The following TMCC2 variants were observed in gnomAD, a reference collection of about 807,000 sequenced individuals.
TMCC2 encodes the protein transmembrane and coiled-coil domains protein 2.
In TMCC2, 16 loss-of-function variants were observed where a neutral mutation model predicts 49.4. The ratio of observed to expected loss-of-function variants is 0.32; its 90% confidence interval spans 0.22 to 0.49. The LOEUF is 0.49. Among genes scored for constraint, TMCC2 ranks in the 20% least tolerant of loss-of-function variants. TMCC2 has a pLI of 0.99. For synonymous variants in TMCC2, 397 were observed against 434.1 expected (o/e 0.91, Z 1.06); for missense variants, 762 against 989.8 (o/e 0.77, Z 3.09).
At chr1:205,230,272 T>A in intron 1 of TMCC2, 13 of 710,936 alleles carry the variant, frequency 1.8e-5, no homozygotes, top group Non-Finnish European at 2.2e-5. Flanking sequence ...TTTTTTAAAC[T>A]TTGCAGTAAT....
At chr1:205,229,043 A>C in intron 1 of TMCC2, 1 of 1,308,446 alleles carries the variant, frequency 7.6e-7, no homozygotes, top group South Asian at 2.0e-5. Flanking sequence ...TAATGTGTGA[A>C]GTGTTATTCG....
At chr1:205,267,958 G>T (rs889794729) in intron 2 of TMCC2, 1 of 985,094 alleles carries the variant, frequency 1.0e-6, no homozygotes, top group Non-Finnish European at 1.2e-6. Flanking sequence ...CAGGGTGGGG[G>T]TGGGGCATGC....
At chr1:205,256,383 T>A (rs1217276920) in intron 2 of TMCC2, 7 of 1,550,968 alleles carry the variant, frequency 4.5e-6, no homozygotes, top group Non-Finnish European at 5.2e-6. Context: ...CTGCTGGCAC[T>A]GTCAAGATGA....
rs1659657487 is a variant in TMCC2 at position 205,228,520 on chromosome 1, C to A, written c.-45C>A. ...AGAGGGGGTGCGGTCTTCCCCAAGACGGCGCGCTGGAAGGACAGATTCCCC... is the reference window on the plus strand; with the variant it reads ...AGAGGGGGTGCGGTCTTCCCCAAGAAGGCGCGCTGGAAGGACAGATTCCCC... On this transcript the variant is annotated 5_prime_UTR_variant, in exon 1 of 5. Transcript: ENST00000358024. 1 of 1,549,446 alleles carries A rather than the reference C, an allele frequency of 6.5e-7. No individual in the cohort carries two copies. Among genetic ancestry groups the A allele is most frequent in the South Asian group, 1.2e-5 (1 of 84,502 alleles).
chr1:205,272,184 G>C lies in TMCC2; in HGVS notation c.*60G>C. ...CCCAGCTGGCCACACTTCTCCAGGA[G>C]GGACCCTTGGACTTCTTTGTGTGTC... On this transcript the variant is annotated 3_prime_UTR_variant, in exon 5 of 5. Transcript: ENST00000358024. 1 of 1,573,672 alleles carries C rather than the reference G, an allele frequency of 6.4e-7. No individual in the cohort carries two copies. Among genetic ancestry groups the C allele is most frequent in the Non-Finnish European group, 8.6e-7 (1 of 1,157,466 alleles).
At chr1:205,268,115 G>A (rs1181345460) in intron 2 of TMCC2, 9 of 979,042 alleles carry the variant, frequency 9.2e-6, no homozygotes, top group Non-Finnish European at 8.5e-6. Flanking sequence ...GCTGAGCTGC[G>A]TTGTTAGTGA....
chr1:205,238,238 G>GT (rs201721271), intron 1 of TMCC2, among the ~76,000 whole-genome samples: 1,467 of 146,694 alleles, frequency 0.01, 20 homozygotes, highest in African/African-American at 0.031. Context: ...TATGTGCTGA[G>GT]TTTTTTTTTT....
At chr1:205,231,299 T>C (rs1159691463) in intron 1 of TMCC2, among the ~76,000 whole-genome samples, 1 of 151,928 alleles carries the variant, frequency 6.6e-6, no homozygotes, top group East Asian at 1.9e-4. Context: ...TCCAAACTTA[T>C]TTATTTATTT....
rs1331925346 is a variant in TMCC2 at position 205,228,535 on chromosome 1, A to ATACACCTACC, written c.-30_-29insTACACCTACC. On this transcript the variant is annotated 5_prime_UTR_variant, in exon 1 of 5. Transcript: ENST00000358024. ...TTCCCCAAGACGGCGCGCTGGAAGG[A>ATACACCTACC]CAGATTCCCCTTGCCGACCCACATA... The ATACACCTACC allele has an allele frequency of 1.1e-5, 18 of 1,575,580 alleles. No individual in the cohort carries two copies. The highest frequency in any genetic ancestry group is 1.6e-5 in the Non-Finnish European group (18 of 1,154,682).
rs554204276 is a variant in TMCC2, at chr1:205,271,497, C to T, written c.1818+242C>T. Among the ~76,000 whole-genome samples the T allele has an allele frequency of 9.6e-4, 146 of 152,356 alleles. 2 individuals are homozygous for T. Among genetic ancestry groups the T allele is most frequent in the African/African-American group, 3.3e-3 (138 of 41,594 alleles). On this transcript the variant is annotated intron_variant, in intron 4 of 4. Transcript: ENST00000358024. ...CCACAGGGCAGAGGCCACCATGCCC[C>T]CCACCTCTTTGATGGCAGCTTCGCA...
At chr1:205,268,820 T>A in intron 2 of TMCC2, 130 bp from the exon 3 acceptor site, 1 of 843,464 alleles carries the variant, frequency 1.2e-6, no homozygotes, top group Non-Finnish European at 1.8e-6. Context: ...ATACTGCTCT[T>A]GTGGTGGTTG....
intron 1 of TMCC2, among the ~76,000 whole-genome samples, chr1:205,233,388 C>G (rs1047812874): frequency 5.3e-5 from 8 of 152,180 alleles, no homozygotes; most frequent in Admixed American, 1.3e-4. Context: ...AGTTCATGTT[C>G]CAGTCACACC....
chr1:205,271,915 G>T lies in TMCC2; in HGVS notation c.1921G>T (p.Ala641Ser). Reference sequence around the variant, plus strand: ...GGGCGTGGAGAATGCCAACGCGCGGGCGCTGCTGGGCAAGTTCATCAACGT... The same window carrying T: ...GGGCGTGGAGAATGCCAACGCGCGGTCGCTGCTGGGCAAGTTCATCAACGT... ...LEGVENANAR[A>S]LLGKFINVIL... is the part of the protein sequence containing the mutation. The change falls in exon 5 of 5, where the codon GCG becomes TCG. Residue 641 changes from alanine (A) to serine (S), a missense_variant. Around this residue, in one of 2 missense-constraint regions of TMCC2, gnomAD observed 440 missense variants for 636.7 expected, o/e 0.69. Transcript: ENST00000358024. 6.2e-7 allele frequency: 1 copy of T among 1,614,208 alleles called. No homozygotes were observed. The highest frequency in any genetic ancestry group is 8.5e-7 in the Non-Finnish European group (1 of 1,180,034).
At position 205,272,541 on chromosome 1, in the gene TMCC2, A is replaced by G. The variant is rs1245681222; in HGVS notation, c.*417A>G. The stretch of plus-strand genomic sequence containing the variant: ...AGATAGCTACGGTTTTCTCTGGTGG[A>G]GATGGTGAGGATGAAGGCTGGAGAG... On this transcript the variant is annotated 3_prime_UTR_variant, in exon 5 of 5. Transcript: ENST00000358024. 8 of 197,414 alleles carry G rather than the reference A, an allele frequency of 4.1e-5. No homozygotes were observed. The highest frequency in any genetic ancestry group is 6.3e-5 in the Non-Finnish European group (6 of 95,824). The allele number at this position is 197,414 out of a possible 1,614,324, so 12.2% of individuals were successfully genotyped here. A position where few individuals can be genotyped will look rare whatever the true frequency, so the allele number is the denominator to read the frequency against.
intron 2 of TMCC2, among the ~76,000 whole-genome samples, chr1:205,252,166 G>T (rs1452135110): frequency 6.6e-6 from 1 of 152,188 alleles, no homozygotes; most frequent in Non-Finnish European, 1.5e-5. Context: ...AAGTGGTTCT[G>T]TTCACTGCCC....
At chr1:205,238,705 A>G (rs1032864642) in intron 1 of TMCC2, among the ~76,000 whole-genome samples, 23 of 152,166 alleles carry the variant, frequency 1.5e-4, no homozygotes, top group Admixed American at 1.0e-3. Context: ...CAAATACCCT[A>G]TCTACTTTAA....
intron 2 of TMCC2, among the ~76,000 whole-genome samples, chr1:205,257,846 T>C (rs7530931): frequency 6.5e-4 from 99 of 152,252 alleles, no homozygotes; most frequent in African/African-American, 2.3e-3. Context: ...GGATGGACAA[T>C]GGAGAAGACC....
In TMCC2 at chr1:205,264,118, T is replaced by C. The variant is rs781169421; in HGVS notation, c.748-4832T>C. Among the ~76,000 whole-genome samples, 1 of 152,188 alleles carries C rather than the reference T, an allele frequency of 6.6e-6. No individual in the cohort carries two copies. Among genetic ancestry groups the C allele is most frequent in the Non-Finnish European group, 1.5e-5 (1 of 68,034 alleles). On this transcript the variant is annotated intron_variant, in intron 2 of 4. Coordinates refer to ENST00000358024, the MANE Select transcript of TMCC2 (RefSeq NM_014858.4). This position sits in a 1 kb window ranked among gnomAD's most constrained non-coding sequence, Gnocchi z 4.2. The stretch of plus-strand genomic sequence containing the variant: ...TCTGACGTATGTCAAGAAATGTTAG[T>C]GTTTGAAGGAGATTGGTTCCAAGAC...
chr1:205,241,846 C>T lies in TMCC2; in HGVS notation c.549C>T (p.Thr183=). The T allele has an allele frequency of 1.2e-6, 2 of 1,600,766 alleles. No homozygotes were observed. Among genetic ancestry groups the T allele is most frequent in the Non-Finnish European group, 1.7e-6 (2 of 1,175,212 alleles). Residue 183 remains threonine, a synonymous_variant, in exon 2 of 5, where the codon ACC becomes ACT. Coordinates refer to ENST00000358024, the MANE Select transcript of TMCC2 (RefSeq NM_014858.4). This position sits in a 1 kb window ranked among gnomAD's most constrained non-coding sequence, Gnocchi z 7.3. ...GCAGCGGGAGCAGCAGCCGGCGCAC[C>T]AAGAGTAGCTCCCTGGAGCCCCAGC... The part of the protein sequence containing the change: ...GGSSGSSSRR[T]KSSSLEPQRG...
Sources: allele counts gnomAD v4.1 joint callset (sites outside exome capture counted in the v4.1 genomes callset), GRCh38; gene constraint gnomAD v4.1.1; regional missense constraint gnomAD v4.1.1; non-coding constraint Gnocchi (gnomAD v3.1); transcripts MANE v1.5; gene names NCBI Gene and HGNC (gene_info 2026-07-23, HGNC 2026-07-21).